The following STK3 variants were observed in gnomAD, a reference collection of about 807,000 sequenced individuals.
STK3 encodes the protein serine/threonine-protein kinase 3.
Under a neutral mutation model 58.0 loss-of-function variants are expected in STK3, and 41 were observed. The ratio of observed to expected loss-of-function variants is 0.71; its 90% CI spans 0.55 to 0.92. The LOEUF (loss-of-function observed/expected upper bound fraction) is 0.92. STK3 is among the 40% of genes least tolerant of loss of function. STK3 has a pLI of 0.00. For missense variants in STK3, 479 were observed against 602.7 expected (o/e 0.79, Z 2.15); for synonymous variants, 170 against 191.0 (o/e 0.89, Z 0.91).
At chr8:98,927,945 G>T (rs190619319) in intron 1 of STK3, among the ~76,000 whole-genome samples, 158 of 152,276 alleles carry the variant, frequency 1.0e-3, no homozygotes, top group African/African-American at 3.7e-3. Flanking sequence ...TGGACTTTTC[G>T]GTTACATGGA....
At chr8:98,904,991 G>T in intron 1 of STK3, 2 of 749,872 alleles carry the variant, frequency 2.7e-6, no homozygotes, top group Non-Finnish European at 4.9e-6. Context: ...AGCAGACCCA[G>T]TATCGCTTAT....
intron 1 of STK3, among the ~76,000 whole-genome samples, chr8:98,791,565 A>C (rs1433417575): frequency 1.3e-5 from 2 of 152,272 alleles, no homozygotes; most frequent in Non-Finnish European, 2.9e-5. Context: ...ACCTGATTTC[A>C]AACTATACTC....
intron 10 of STK3, among the ~76,000 whole-genome samples, chr8:98,457,576 T>C (rs1050684622): frequency 1.3e-5 from 2 of 152,244 alleles, no homozygotes; most frequent in Non-Finnish European, 2.9e-5. Context: ...TATTTTATAA[T>C]TGATTTTTAT....
intron 3 of STK3, among the ~76,000 whole-genome samples, chr8:98,403,142 G>A (rs903992213): frequency 6.6e-6 from 1 of 152,254 alleles, no homozygotes; most frequent in Non-Finnish European, 1.5e-5. Flanking sequence ...CCACTTGAAG[G>A]TGGGCCTGCC....
At chr8:98,842,551 G>T (rs762766249) in intron 3 of STK3, among the ~76,000 whole-genome samples, 4 of 151,862 alleles carry the variant, frequency 2.6e-5, no homozygotes, top group African/African-American at 4.8e-5. Flanking sequence ...GGTGGCATGC[G>T]CCTGTAGTCC....
chr8:98,676,552 G>T (rs1360400481), intron 6 of STK3, among the ~76,000 whole-genome samples: 1 of 151,636 alleles, frequency 6.6e-6, no homozygotes, highest in Non-Finnish European at 1.5e-5. Flanking sequence ...GGCAGAGGTT[G>T]CAGTGAGCTA....
chr8:98,462,938 A>C (rs1379906397), intron 10 of STK3: 1 of 150,856 alleles, frequency 6.6e-6, no homozygotes, highest in Non-Finnish European at 1.5e-5. Context: ...CTTCTCATTT[A>C]GGTAGAAATA....
chr8:98,778,109 A>G (rs1288279587), intron 1 of STK3, among the ~76,000 whole-genome samples: 1 of 152,340 alleles, frequency 6.6e-6, no homozygotes, highest in African/African-American at 2.4e-5. Flanking sequence ...AGAATGGGAG[A>G]AAATTTTTGC....
chr8:98,416,171 C>T (rs1563596350), intron 3 of STK3, among the ~76,000 whole-genome samples: 2 of 152,316 alleles, frequency 1.3e-5, no homozygotes, highest in East Asian at 3.9e-4. Context: ...CACGTGGTTC[C>T]TCCAAACTTA....
intron 8 of STK3, among the ~76,000 whole-genome samples, chr8:98,573,716 G>C (rs1752717082): frequency 2.0e-5 from 3 of 152,146 alleles, no homozygotes; most frequent in African/African-American, 7.2e-5. Context: ...TCTGAGACAA[G>C]GCAAGTCCTT....
intron 10 of STK3, among the ~76,000 whole-genome samples, chr8:98,520,933 C>CCATTCTCTCT (rs1165054776): frequency 6.6e-6 from 1 of 152,106 alleles, no homozygotes; most frequent in Non-Finnish European, 1.5e-5. Flanking sequence ...CTTCTTTTAA[C>CCATTCTCTCT]CATTCTCTCT....
intron 4 of STK3, among the ~76,000 whole-genome samples, chr8:98,725,265 A>G (rs1332161610): frequency 2.0e-5 from 3 of 152,216 alleles, no homozygotes; most frequent in African/African-American, 7.2e-5. Context: ...TGTGTAAAAC[A>G]AGATATACAT....
At chr8:98,348,910 A>T in the STK3 span, among the ~76,000 whole-genome samples, 3 of 152,350 alleles carry the variant, frequency 2.0e-5, no homozygotes, top group Non-Finnish European at 4.4e-5. Flanking sequence ...CCTGGTATTT[A>T]CCAAAAGAAG....
At chr8:98,727,541 C>T (rs1827872266) in intron 4 of STK3, among the ~76,000 whole-genome samples, 1 of 152,100 alleles carries the variant, frequency 6.6e-6, no homozygotes, top group African/African-American at 2.4e-5. Flanking sequence ...AAATACCAAA[C>T]AGGAGAAGTT....
chr8:98,848,551 G>A (rs948844536), intron 3 of STK3, among the ~76,000 whole-genome samples: 4 of 152,126 alleles, frequency 2.6e-5, no homozygotes, highest in South Asian at 4.1e-4. Context: ...TCTACTTTCC[G>A]TCTCTACAGA....
At chr8:98,683,870 T>C (rs1031851371) in intron 6 of STK3, among the ~76,000 whole-genome samples, 2 of 152,176 alleles carry the variant, frequency 1.3e-5, no homozygotes, top group African/African-American at 4.8e-5. Flanking sequence ...AGATACACTC[T>C]TGAGGGTCAC....
chr8:98,738,814 G>A (rs991179739), intron 4 of STK3, among the ~76,000 whole-genome samples: 9 of 152,244 alleles, frequency 5.9e-5, no homozygotes, highest in Non-Finnish European at 1.2e-4. Context: ...AGCGCAAGGG[G>A]TTCAGGGAGT....
intron 6 of STK3, chr8:98,651,501 G>C (rs1820926203): frequency 1.3e-5 from 2 of 152,320 alleles, no homozygotes; most frequent in African/African-American, 2.4e-5. Flanking sequence ...GAATGACTTT[G>C]ACGAGTTGAG....
chr8:98,840,519 C>T lies in STK3; in HGVS notation c.110+43128G>A, dbSNP rs184640317. Among the ~76,000 whole-genome samples the T allele has an allele frequency of 7.5e-3, 1,038 of 137,652 alleles. 10 individuals are homozygous for T. The highest frequency in any genetic ancestry group is 0.026 in the African/African-American group (971 of 36,702). 90.3% of individuals were successfully genotyped at this position (137,652 alleles called of 152,430 possible). ...CCCTGGAGGTGGAGGCTGCAGTGAG[C>T]ATGATCACACCACTGCACTCCAGCC... On this transcript the variant is annotated intron_variant, in intron 3 of 12. Transcript: ENST00000523601.
Sources: allele counts gnomAD v4.1 joint callset (sites outside exome capture counted in the v4.1 genomes callset), GRCh38; gene constraint gnomAD v4.1.1; transcripts MANE v1.5; gene names NCBI Gene and HGNC (gene_info 2026-07-23, HGNC 2026-07-21).